The following ADAM23 variants were observed in gnomAD, a reference collection of about 807,000 sequenced individuals.
ADAM23 encodes the protein disintegrin and metalloproteinase domain-containing protein 23.
Under a neutral mutation model 120.1 loss-of-function variants are expected in ADAM23, and 33 were observed. That is an observed-to-expected ratio of 0.27 (90% CI 0.21 to 0.37). ADAM23 has a LOEUF of 0.37. Among genes scored for constraint, ADAM23 ranks in the 10% least tolerant of loss-of-function variants. The pLI, the probability that ADAM23 is intolerant of heterozygous loss-of-function variation, is 1.00. For synonymous variants in ADAM23, 367 were observed against 375.2 expected, an observed-to-expected ratio of 0.98 and a Z score of 0.25; for missense variants, 862 against 1,058.2, an observed-to-expected ratio of 0.81 and a Z score of 2.57.
At chr2:206,511,632 T>A (rs1278067196) in intron 3 of ADAM23, among the ~76,000 whole-genome samples, 1 of 152,206 alleles carries the variant, frequency 6.6e-6, no homozygotes, top group Admixed American at 6.5e-5. Flanking sequence ...AGCAGGCGTT[T>A]GAACTTTCAC....
At chr2:206,601,073 C>T (rs1698631816) in intron 24 of ADAM23, among the ~76,000 whole-genome samples, 2 of 152,206 alleles carry the variant, frequency 1.3e-5, no homozygotes, top group South Asian at 2.1e-4. Context: ...AGAATTCTCT[C>T]CTGTTACAGG....
chr2:206,572,966 G>C (rs1574541873), intron 17 of ADAM23, 149 bp from the exon 18 acceptor site: 1 of 728,760 alleles, frequency 1.4e-6, no homozygotes, highest in East Asian at 2.7e-5. Flanking sequence ...TTTCTATTCT[G>C]CAATAGGATA....
At chr2:206,594,426 T>A (rs1698482269) in intron 22 of ADAM23, among the ~76,000 whole-genome samples, 1 of 152,234 alleles carries the variant, frequency 6.6e-6, no homozygotes, top group African/African-American at 2.4e-5. Flanking sequence ...TTTGTTCTCA[T>A]ATAGATACTT....
At chr2:206,469,166 A>C in intron 2 of ADAM23, among the ~76,000 whole-genome samples, 1 of 152,204 alleles carries the variant, frequency 6.6e-6, no homozygotes, top group Non-Finnish European at 1.5e-5. Context: ...CATAGTTTAA[A>C]GGATTTATTC....
chr2:206,538,254 G>C (rs1226503104), intron 4 of ADAM23, among the ~76,000 whole-genome samples: 1 of 152,050 alleles, frequency 6.6e-6, no homozygotes, highest in Non-Finnish European at 1.5e-5. Flanking sequence ...AGTTCCCCAA[G>C]TCTCCAAAAT....
chr2:206,516,703 G>A (rs1696739327), intron 3 of ADAM23, among the ~76,000 whole-genome samples: 1 of 152,070 alleles, frequency 6.6e-6, no homozygotes, highest in Admixed American at 6.6e-5. Flanking sequence ...GGGGGTTAGG[G>A]CCTCAATATA....
chr2:206,455,746 T>C (rs2105854073), intron 2 of ADAM23, among the ~76,000 whole-genome samples: 1 of 152,334 alleles, frequency 6.6e-6, no homozygotes, highest in South Asian at 2.1e-4. Context: ...CACAGATCTC[T>C]GGAGCAGGGC....
At chr2:206,583,616 A>G (rs1698264376) in intron 18 of ADAM23, among the ~76,000 whole-genome samples, 1 of 151,332 alleles carries the variant, frequency 6.6e-6, no homozygotes, top group African/African-American at 2.4e-5. Flanking sequence ...TTGTCTTTGA[A>G]CTCTTAATTT....
In ADAM23 at chr2:206,620,592, AGTTAGT is replaced by A. The variant is rs1190101585; in HGVS notation, c.*2970_*2975del. 1.3e-5 allele frequency: 2 copies of A among 152,010 alleles called. No homozygotes were observed. The highest frequency in any genetic ancestry group is 4.8e-5 in the African/African-American group (2 of 41,380). The allele number at this position is 152,010 out of a possible 1,614,324, so 9.4% of individuals were successfully genotyped here. A position where few individuals can be genotyped will look rare whatever the true frequency, so the allele number is the denominator to read the frequency against. On this transcript the variant is annotated 3_prime_UTR_variant, in exon 26 of 26. Transcript: ENST00000264377. ...TCACTGTTTAATGTTACCCAACAAG[AGTTAGT>A]GTTAAGTGATGATCAAGTTCCCATT...
At position 206,489,335 on chromosome 2, in the gene ADAM23, A is replaced by G. The variant is rs181089353; in HGVS notation, c.509+8027A>G. On this transcript the variant is annotated intron_variant, in intron 3 of 25. Coordinates refer to ENST00000264377, the MANE Select transcript of ADAM23 (RefSeq NM_003812.4). ...CTCACTGCTGTCATTTCTCTTACAC[A>G]TCTGAGAGAGGGAATCAGGGAAGGC... Among the ~76,000 whole-genome samples, 66 of 152,276 alleles carry G rather than the reference A, an allele frequency of 4.3e-4. No individual in the cohort carries two copies. In the East Asian group the frequency reaches 6.4e-3, roughly 15 times the overall value.
At chr2:206,574,851 T>C (rs1698080876) in intron 18 of ADAM23, among the ~76,000 whole-genome samples, 2 of 152,224 alleles carry the variant, frequency 1.3e-5, no homozygotes, top group Admixed American at 6.5e-5. Flanking sequence ...TTAATTTACC[T>C]ATTTTATGTG....
intron 9 of ADAM23, among the ~76,000 whole-genome samples, chr2:206,552,048 T>A (rs1697538455): frequency 6.6e-6 from 1 of 152,216 alleles, no homozygotes; most frequent in South Asian, 2.1e-4. Context: ...GAATTATTTT[T>A]GTTGATTGGA....
chr2:206,487,645 G>C (rs890784570), intron 3 of ADAM23, among the ~76,000 whole-genome samples: 2 of 152,220 alleles, frequency 1.3e-5, no homozygotes, highest in African/African-American at 4.8e-5. Context: ...CAGGTCCTCA[G>C]CATGCTGTCC....
chr2:206,491,773 T>TA (rs769537020), intron 3 of ADAM23, among the ~76,000 whole-genome samples: 5 of 152,236 alleles, frequency 3.3e-5, no homozygotes, highest in Non-Finnish European at 7.3e-5. Context: ...TCTCTAGAGA[T>TA]ATAAATGTTT....
intron 3 of ADAM23, among the ~76,000 whole-genome samples, chr2:206,505,964 G>A (rs1284193885): frequency 1.3e-5 from 2 of 152,146 alleles, no homozygotes; most frequent in East Asian, 3.9e-4. Context: ...GAGAGAATGT[G>A]GGATTTTTGT....
At chr2:206,576,447 G>A (rs1698114389) in intron 18 of ADAM23, among the ~76,000 whole-genome samples, 1 of 151,892 alleles carries the variant, frequency 6.6e-6, no homozygotes, top group Admixed American at 6.6e-5. Flanking sequence ...ATGTGTCTAA[G>A]CTGAAAATTA....
chr2:206,457,197 A>G (rs1033055937), intron 2 of ADAM23, among the ~76,000 whole-genome samples: 5 of 152,214 alleles, frequency 3.3e-5, no homozygotes, highest in African/African-American at 1.2e-4. Flanking sequence ...TGGAACCTGA[A>G]TGGTTTTATT....
At chr2:206,605,804 A>C (rs1436164511) in intron 24 of ADAM23, 1 of 702,474 alleles carries the variant, frequency 1.4e-6, no homozygotes, top group Admixed American at 2.0e-5. Flanking sequence ...TATGGCCACA[A>C]GCAGGCTAAT....
chr2:206,453,765 A>T (rs190643193), intron 2 of ADAM23, among the ~76,000 whole-genome samples: 1 of 152,270 alleles, frequency 6.6e-6, no homozygotes, highest in African/African-American at 2.4e-5. Context: ...TTCATTCTCC[A>T]TCACAGGGCA....
Sources: gnomAD v4.1 joint callset for allele counts (sites outside exome capture counted in the v4.1 genomes callset) on GRCh38, gnomAD v4.1.1 for gene constraint, MANE v1.5 for transcripts, NCBI Gene and HGNC (gene_info 2026-07-23, HGNC 2026-07-21) for gene names.